The following POM121 variants were observed in gnomAD, a reference collection of about 807,000 sequenced individuals.
The protein encoded by POM121 is nuclear envelope pore membrane protein POM 121.
A neutral mutation model predicts 81.3 loss-of-function variants in POM121; 32 were observed. The ratio of observed to expected loss-of-function variants is 0.39; its 90% confidence interval spans 0.30 to 0.53. The LOEUF (loss-of-function observed/expected upper bound fraction) is 0.53, where lower values mean the gene tolerates loss of function less well. Ranked by LOEUF, POM121 falls within the 20% of genes least tolerant of loss-of-function variation. POM121 has a pLI of 0.66. For missense variants in POM121, 1,138 were observed against 1,614.6 expected, an observed-to-expected ratio of 0.70 and a Z score of 5.06; for synonymous variants, 514 against 694.2, an observed-to-expected ratio of 0.74 and a Z score of 4.08.
At position 72,938,727 on chromosome 7, in the gene POM121, G is replaced by C. The variant is rs556882315; in HGVS notation, c.1367+46G>C. ...GTTTTCATTTGCTGCGTGGACAGGC[G>C]GGGGTGAGGAAAGGTGGGAAACGAA... is the stretch of plus-strand genomic sequence containing the variant. On this transcript the variant is annotated intron_variant, in intron 6 of 12. Coordinates refer to ENST00000434423, the MANE Select transcript of POM121 (RefSeq NM_001387691.1). The C allele has an allele frequency of 1.0e-5, 16 of 1,596,452 alleles. No homozygotes were observed. The East Asian group carries it at 1.1e-4, about 11-fold the overall frequency.
intron 3 of POM121, 100 bp downstream of exon 3, chr7:72,927,063 A>T: frequency 6.3e-7 from 1 of 1,580,956 alleles, no homozygotes; most frequent in Non-Finnish European, 8.6e-7. Flanking sequence ...TCTCCAGTTT[A>T]TGAGCCTTCG....
At chr7:72,935,143 TC>T (rs1737264669) in intron 5 of POM121, among the ~76,000 whole-genome samples, 1 of 152,036 alleles carries the variant, frequency 6.6e-6, no homozygotes, top group African/African-American at 2.4e-5. Flanking sequence ...CTTGTTTACT[TC>T]TAATCTATGA....
intron 5 of POM121, among the ~76,000 whole-genome samples, chr7:72,937,519 ATGG>A (rs1351850740): frequency 6.6e-6 from 1 of 151,786 alleles, no homozygotes; most frequent in Non-Finnish European, 1.5e-5. Flanking sequence ...CGGCTTCCTG[ATGG>A]TGGCCTCACT....
At position 72,943,858 on chromosome 7, in the gene POM121, C is replaced by T. The variant is rs1173614172; in HGVS notation, c.3529+336C>T. Among the ~76,000 whole-genome samples, 24 of 152,272 alleles carry T rather than the reference C, an allele frequency of 1.6e-4. No homozygotes were observed. In the East Asian group the frequency reaches 1.9e-3, roughly 12 times the overall value. ...TTCAAGACTAGCCTGGACAACTTGG[C>T]GAAACCCTGTCTCTACTAAAAATAC... On this transcript the variant is annotated intron_variant, in intron 11 of 12. Coordinates refer to ENST00000434423, the MANE Select transcript of POM121 (RefSeq NM_001387691.1).
upstream of POM121, among the ~76,000 whole-genome samples, chr7:72,922,741 T>C (rs1378350116): frequency 2.0e-5 from 3 of 152,120 alleles, no homozygotes; most frequent in African/African-American, 7.2e-5. Flanking sequence ...TCCTAAATGA[T>C]TTGTGCCCTT....
intron 3 of POM121, among the ~76,000 whole-genome samples, chr7:72,906,232 C>G (rs1242648245): frequency 6.6e-6 from 1 of 152,102 alleles, no homozygotes; most frequent in Non-Finnish European, 1.5e-5. Context: ...GAAGGATGTC[C>G]CTGGGGAAGC....
upstream of POM121, among the ~76,000 whole-genome samples, chr7:72,924,238 G>T (rs1156728088): frequency 2.0e-5 from 3 of 152,052 alleles, no homozygotes; most frequent in Non-Finnish European, 4.4e-5. Context: ...GAGCCACCGC[G>T]CCCGGCCTGA....
chr7:72,896,044 A>G (rs544357278), intron 3 of POM121, among the ~76,000 whole-genome samples: 2 of 152,124 alleles, frequency 1.3e-5, no homozygotes, highest in Admixed American at 1.3e-4. Flanking sequence ...CTGGGCTTTG[A>G]GACGCATCAT....
intron 1 of POM121, among the ~76,000 whole-genome samples, chr7:72,883,074 C>G (rs1486793463): frequency 6.6e-6 from 1 of 152,142 alleles, no homozygotes; most frequent in Non-Finnish European, 1.5e-5. Context: ...GGGTCTTGCT[C>G]TGTCACCCAG....
intron 1 of POM121, 113 bp downstream of exon 1, chr7:72,925,878 G>A: frequency 8.1e-7 from 1 of 1,236,244 alleles, no homozygotes; most frequent in Non-Finnish European, 1.0e-6. Context: ...GATTGTGTGT[G>A]GTTTTGCCCT....
At chr7:72,900,042 C>CT (rs1792441417) in intron 3 of POM121, among the ~76,000 whole-genome samples, 1 of 152,332 alleles carries the variant, frequency 6.6e-6, no homozygotes, top group East Asian at 1.9e-4. Context: ...TTAGGCATCA[C>CT]TCCAAAACCT....
chr7:72,933,466 CCAT>C (rs1796219175), intron 5 of POM121, among the ~76,000 whole-genome samples: 1 of 152,154 alleles, frequency 6.6e-6, no homozygotes, highest in South Asian at 2.1e-4. Context: ...TATCCTTTAC[CCAT>C]TTTTCTGAAG....
At chr7:72,924,445 T>C (rs1276059981), upstream of POM121, 1 of 152,230 alleles carries the variant, frequency 6.6e-6, no homozygotes, top group Admixed American at 6.5e-5. Context: ...TATTAAGATA[T>C]AATTCACATA....
chr7:72,926,776 A>T, intron 2 of POM121, 26 bp from the exon 3 acceptor site: 1 of 1,608,512 alleles, frequency 6.2e-7, no homozygotes, highest in South Asian at 1.1e-5. Context: ...AATATCTTAC[A>T]GCTAGAATCT....
At chr7:72,906,921 A>G (rs1554493528) in intron 3 of POM121, among the ~76,000 whole-genome samples, 1 of 151,398 alleles carries the variant, frequency 6.6e-6, no homozygotes, top group East Asian at 1.9e-4. Flanking sequence ...AAGCTACCAC[A>G]CTTGGCCATG....
rs2129576160 is a variant in POM121 at position 72,909,180 on chromosome 7, CG to C, written c.-215-4581del. ...CATGGCTTTAGCTGTTCCCTCTGTT[CG>C]GGGTCCCTGACTTCCTGCAACACAG... On this transcript the variant is annotated intron_variant, in intron 3 of 15. Transcript: ENST00000395270. 1.3e-5 allele frequency among the ~76,000 whole-genome samples: 2 copies of C among 152,328 alleles called. 1 individual carries two copies. The highest frequency in any genetic ancestry group is 4.1e-4 in the South Asian group (2 of 4,832).
At chr7:72,934,879 A>G (rs1471114933) in intron 5 of POM121, among the ~76,000 whole-genome samples, 1 of 151,946 alleles carries the variant, frequency 6.6e-6, no homozygotes, top group Non-Finnish European at 1.5e-5. Flanking sequence ...CCATTGGTCT[A>G]TTTTTCTACC....
intron 3 of POM121, among the ~76,000 whole-genome samples, chr7:72,892,820 C>T (rs1198808664): frequency 2.0e-5 from 3 of 152,040 alleles, no homozygotes; most frequent in Non-Finnish European, 2.9e-5. Context: ...GTGCACACCA[C>T]CATGCCTGGC....
At chr7:72,909,786 C>CAGCG (rs1363876910) in intron 3 of POM121, among the ~76,000 whole-genome samples, 1 of 152,142 alleles carries the variant, frequency 6.6e-6, no homozygotes, top group Non-Finnish European at 1.5e-5. Flanking sequence ...TAGCTGGGAC[C>CAGCG]AGCGGTACAC....
Sources: gnomAD v4.1 joint callset for allele counts (sites outside exome capture counted in the v4.1 genomes callset) on GRCh38, gnomAD v4.1.1 for gene constraint, MANE v1.5 for transcripts, NCBI Gene and HGNC (gene_info 2026-07-23, HGNC 2026-07-21) for gene names.